The following PMEPA1 variants were observed in gnomAD, a reference collection of about 807,000 sequenced individuals.
The protein encoded by PMEPA1 is protein TMEPAI.
Under a neutral mutation model 23.0 loss-of-function variants are expected in PMEPA1, and 11 were observed. That is an observed-to-expected ratio of 0.48 (90% CI 0.30 to 0.79). The LOEUF is 0.79. PMEPA1 is among the 30% of genes least tolerant of loss of function. The probability of loss-of-function intolerance (pLI) is 0.06; values close to 1 mark genes in which losing one functional copy is unlikely to be tolerated. For synonymous variants in PMEPA1, 204 were observed against 166.4 expected (o/e 1.23, Z -1.74); for missense variants, 377 against 390.9 (o/e 0.96, Z 0.30).
chr20:57,669,225 C>A, intron 1 of PMEPA1, among the ~76,000 whole-genome samples: 1 of 152,068 alleles, frequency 6.6e-6, no homozygotes, highest in African/African-American at 2.4e-5. Flanking sequence ...TGCAGTGGTG[C>A]AATCTTGACT....
intron 1 of PMEPA1, among the ~76,000 whole-genome samples, chr20:57,674,803 G>A (rs1678265003): frequency 1.3e-5 from 2 of 152,076 alleles, no homozygotes; most frequent in African/African-American, 2.4e-5. Flanking sequence ...GAGAATTCAC[G>A]ATGATTGAGG....
intron 1 of PMEPA1, chr20:57,700,251 C>T (rs1032185343): frequency 5.2e-5 from 22 of 425,026 alleles, no homozygotes; most frequent in African/African-American, 1.0e-4. Flanking sequence ...CATGCTTTAC[C>T]GAACATGTTC....
chr20:57,672,612 C>T (rs754806161), intron 1 of PMEPA1, among the ~76,000 whole-genome samples: 44 of 152,200 alleles, frequency 2.9e-4, no homozygotes, highest in African/African-American at 9.4e-4. Flanking sequence ...CTCTGTCTTT[C>T]GGGAGCAAGA....
chr20:57,669,349 C>T (rs1185833234), intron 1 of PMEPA1, among the ~76,000 whole-genome samples: 1 of 152,030 alleles, frequency 6.6e-6, no homozygotes, highest in Non-Finnish European at 1.5e-5. Flanking sequence ...TGAGTACAGA[C>T]GGGGTTTCAC....
intron 1 of PMEPA1, among the ~76,000 whole-genome samples, chr20:57,661,334 C>T (rs1383112655): frequency 3.9e-5 from 6 of 152,174 alleles, no homozygotes; most frequent in African/African-American, 9.7e-5. Flanking sequence ...GGCAAGACGC[C>T]GGGTCCCTTG....
chr20:57,648,868 A>G lies in PMEPA1; in HGVS notation c.*3185T>C, dbSNP rs982985160. On this transcript the variant is annotated 3_prime_UTR_variant, in exon 4 of 4. Coordinates refer to ENST00000341744, the MANE Select transcript of PMEPA1 (RefSeq NM_020182.5). ...TCTCTGAAACGTACAATTCATAGGG[A>G]CGACCAATGAGGACAGGGAATGAAC... 2 of 152,144 alleles carry G rather than the reference A, an allele frequency of 1.3e-5. No homozygotes were observed. Among genetic ancestry groups the G allele is most frequent in the African/African-American group, 4.8e-5 (2 of 41,428 alleles). 9.4% of individuals were successfully genotyped at this position (152,144 alleles called of 1,614,324 possible). A position where few individuals can be genotyped will look rare whatever the true frequency, so the allele number is the denominator to read the frequency against.
upstream of PMEPA1, chr20:57,710,484 T>C (rs2273534): frequency 0.082 from 131,422 of 1,605,806 alleles, 10,492 homozygotes; most frequent in East Asian, 0.46. Flanking sequence ...CGCAGGAGAC[T>C]GTCCGCCTTC....
intron 2 of PMEPA1, 53 bp from the exon 3 acceptor site, chr20:57,653,139 G>C (rs1251318162): frequency 1.4e-6 from 2 of 1,434,190 alleles, no homozygotes; most frequent in Non-Finnish European, 1.9e-6. Context: ...AGGAGGGACA[G>C]CAAAGGCTCA....
intron 1 of PMEPA1, among the ~76,000 whole-genome samples, chr20:57,672,147 T>C (rs1320081048): frequency 6.6e-6 from 1 of 152,280 alleles, no homozygotes; most frequent in African/African-American, 2.4e-5. Flanking sequence ...ATAACAGGCA[T>C]AACACTTCTA....
At chr20:57,662,868 C>A (rs1038682930) in intron 1 of PMEPA1, among the ~76,000 whole-genome samples, 1 of 152,158 alleles carries the variant, frequency 6.6e-6, no homozygotes, top group Non-Finnish European at 1.5e-5. Flanking sequence ...CCTGGCAGCC[C>A]GCAGGACCCA....
At chr20:57,676,457 G>A (rs541452944) in intron 1 of PMEPA1, among the ~76,000 whole-genome samples, 15 of 152,360 alleles carry the variant, frequency 9.8e-5, no homozygotes, top group African/African-American at 2.6e-4. Flanking sequence ...TGGTGAATGC[G>A]TCAAGGATGT....
Position 57,656,979 on chromosome 20 carries a change from A to G in PMEPA1, c.264+2564T>C, listed in dbSNP as rs1323146398. Among the ~76,000 whole-genome samples the G allele has an allele frequency of 6.6e-6, 1 of 152,148 alleles. No homozygotes were observed. The highest frequency in any genetic ancestry group is 1.5e-5 in the Non-Finnish European group (1 of 68,028). On this transcript the variant is annotated intron_variant, in intron 2 of 3. Coordinates refer to ENST00000341744, the MANE Select transcript of PMEPA1 (RefSeq NM_020182.5). The surrounding 1 kb of genome is among the most constrained non-coding windows in gnomAD (Gnocchi z 4.7). The stretch of plus-strand genomic sequence containing the variant: ...GCCACATTCTGCTTTAGGCCTAGTG[A>G]GGCTCCACGTTTACCCAGCCAGGCA...
chr20:57,683,384 G>A lies in PMEPA1; in HGVS notation c.110-23687C>T, dbSNP rs1002413970. ...TAATCATTTTCCTTTAATTACTCCA[G>A]GAAAGACCCAATTACAGCGCAGACG... On this transcript the variant is annotated intron_variant, in intron 1 of 3. Transcript: ENST00000341744. This position sits in a 1 kb window ranked among gnomAD's most constrained non-coding sequence, Gnocchi z 4.3. 6.6e-6 allele frequency among the ~76,000 whole-genome samples: 1 copy of A among 152,134 alleles called. No individual in the cohort carries two copies. The highest frequency in any genetic ancestry group is 1.5e-5 in the Non-Finnish European group (1 of 68,042).
At chr20:57,685,594 G>A (rs2071790414) in intron 1 of PMEPA1, among the ~76,000 whole-genome samples, 1 of 152,152 alleles carries the variant, frequency 6.6e-6, no homozygotes, top group Non-Finnish European at 1.5e-5. Context: ...TCTGCTGGTG[G>A]ACTGGCTGGG....
intron 1 of PMEPA1, among the ~76,000 whole-genome samples, chr20:57,699,728 T>C (rs770981181): frequency 6.6e-6 from 1 of 152,200 alleles, no homozygotes; most frequent in Non-Finnish European, 1.5e-5. Flanking sequence ...AGCTTCCTAC[T>C]TCTCTTGCTG....
intron 1 of PMEPA1, among the ~76,000 whole-genome samples, chr20:57,689,118 T>C (rs1167777330): frequency 6.6e-6 from 1 of 152,218 alleles, no homozygotes; most frequent in Non-Finnish European, 1.5e-5. Flanking sequence ...AACGCGTTTC[T>C]GTTTGGGAGC....
intron 1 of PMEPA1, among the ~76,000 whole-genome samples, chr20:57,676,754 G>C (rs1165747891): frequency 1.3e-5 from 2 of 152,128 alleles, no homozygotes; most frequent in African/African-American, 4.8e-5. Context: ...TTGCACTGCT[G>C]AGCACCCACA....
At chr20:57,660,025 A>T (rs965435994) in intron 1 of PMEPA1, among the ~76,000 whole-genome samples, 1 of 152,190 alleles carries the variant, frequency 6.6e-6, no homozygotes, top group African/African-American at 2.4e-5. Flanking sequence ...CTCTGCTCTC[A>T]GAGCCTCCTG....
At chr20:57,700,512 A>G (rs763962622) in intron 1 of PMEPA1, among the ~76,000 whole-genome samples, 12 of 152,248 alleles carry the variant, frequency 7.9e-5, no homozygotes, top group Admixed American at 2.6e-4. Flanking sequence ...GTGGCCGTCC[A>G]GCCCAAGGGG....
Sources: gnomAD v4.1 joint callset for allele counts (sites outside exome capture counted in the v4.1 genomes callset) on GRCh38, gnomAD v4.1.1 for gene constraint, Gnocchi (gnomAD v3.1) non-coding constraint, MANE v1.5 for transcripts, NCBI Gene and HGNC (gene_info 2026-07-23, HGNC 2026-07-21) for gene names.